Variants in GPRASP3 observed in about 807,000 individuals in gnomAD.
GPRASP3 encodes G protein-coupled receptor associated sorting protein 3.
chrX:102,750,028 C>T, the GPRASP3 span: 3 of 1,199,815 alleles, frequency 2.5e-6, no homozygotes, highest in South Asian at 1.8e-5. Context: ...TAAAATAGCA[C>T]GGATTGCAAT....
chrX:102,751,723 G>T, the GPRASP3 span: 3 of 123,276 alleles, frequency 2.4e-5, no homozygotes, highest in Non-Finnish European at 5.6e-5. Context: ...AAATTCTGAG[G>T]TAAATAGATG....
the GPRASP3 span, among the ~76,000 whole-genome samples, chrX:102,738,220 A>G: frequency 1.8e-5 from 2 of 112,320 alleles, no homozygotes; most frequent in East Asian, 5.6e-4. Context: ...CCCATCTGCC[A>G]TTTGCGAAGA....
chrX:102,731,582 A>G, the GPRASP3 span, among the ~76,000 whole-genome samples: 1 of 109,832 alleles, frequency 9.1e-6, no homozygotes, highest in Non-Finnish European at 1.9e-5. Context: ...GTGAGCTGAG[A>G]TCACGCCACT....
chrX:102,750,696 T>C, the GPRASP3 span: 1 of 973,294 alleles, frequency 1.0e-6, no homozygotes, highest in South Asian at 2.6e-5. Flanking sequence ...GGCTGTACAT[T>C]ACAGTGTACA....
chrX:102,751,792 A>G, the GPRASP3 span: 1 of 122,940 alleles, frequency 8.1e-6, no homozygotes, highest in Non-Finnish European at 1.9e-5. Flanking sequence ...AATGAGTAAG[A>G]TGTAGATTTG....
the GPRASP3 span, among the ~76,000 whole-genome samples, chrX:102,746,914 G>C: frequency 2.0e-3 from 227 of 112,516 alleles, no homozygotes; most frequent in Non-Finnish European, 3.5e-3. Context: ...TAAATAACAG[G>C]GTAGTATTTT....
At chrX:102,738,776 A>C in the GPRASP3 span, among the ~76,000 whole-genome samples, 5 of 111,737 alleles carry the variant, frequency 4.5e-5, no homozygotes, top group African/African-American at 1.6e-4. Flanking sequence ...TGAAAATTTG[A>C]GATAGGCCTC....
At chrX:102,750,693 C>T in the GPRASP3 span, 1 of 1,006,271 alleles carries the variant, frequency 9.9e-7, no homozygotes, top group Non-Finnish European at 1.3e-6. Flanking sequence ...GCAGGCTGTA[C>T]ATTACAGTGT....
the GPRASP3 span, among the ~76,000 whole-genome samples, chrX:102,731,346 G>A: frequency 3.6e-5 from 4 of 112,427 alleles, no homozygotes; most frequent in Non-Finnish European, 5.6e-5. Context: ...TTCAGGGGCC[G>A]GGCCCAGTGG....
the GPRASP3 span, chrX:102,750,777 G>T: frequency 4.6e-6 from 2 of 431,923 alleles, no homozygotes; most frequent in South Asian, 1.2e-4. Flanking sequence ...CTATTTTGGG[G>T]GTATCAAATG....
At chrX:102,743,144 G>C in the GPRASP3 span, among the ~76,000 whole-genome samples, 1 of 110,082 alleles carries the variant, frequency 9.1e-6, no homozygotes, top group Non-Finnish European at 1.9e-5. Flanking sequence ...TGTCCACAGG[G>C]AATTTCCTTG....
chrX:102,750,718 G>T, the GPRASP3 span: 2 of 831,016 alleles, frequency 2.4e-6, no homozygotes, highest in African/African-American at 4.1e-5. Flanking sequence ...ATTATACACT[G>T]CATCTTTAAC....
the GPRASP3 span, chrX:102,749,555 A>C: frequency 8.3e-7 from 1 of 1,211,319 alleles, no homozygotes; most frequent in South Asian, 1.8e-5. Context: ...ACTAGTTTTG[A>C]CCCTAATCCT....
the GPRASP3 span, among the ~76,000 whole-genome samples, chrX:102,723,271 C>T: frequency 8.0e-5 from 9 of 111,850 alleles, no homozygotes; most frequent in Non-Finnish European, 7.5e-5. Context: ...AATCCCACTC[C>T]TATCCTTATG....
the GPRASP3 span, chrX:102,750,104 T>C: frequency 2.5e-6 from 3 of 1,211,094 alleles, no homozygotes; most frequent in Non-Finnish European, 3.4e-6. Context: ...GTGACACTTA[T>C]TGAAAGCTTG....
At chrX:102,743,120 CTCTG>C in the GPRASP3 span, among the ~76,000 whole-genome samples, 2 of 110,471 alleles carry the variant, frequency 1.8e-5, no homozygotes, top group Non-Finnish European at 3.8e-5. Flanking sequence ...TGACTTTGAG[CTCTG>C]TCTGTCCTTT....
At chrX:102,741,065 T>C in the GPRASP3 span, among the ~76,000 whole-genome samples, 1 of 111,304 alleles carries the variant, frequency 9.0e-6, no homozygotes, top group Non-Finnish European at 1.9e-5. Flanking sequence ...CGAGTTACCA[T>C]TGGTGAATCT....
At chrX:102,725,035 C>G in the GPRASP3 span, among the ~76,000 whole-genome samples, 1 of 111,271 alleles carries the variant, frequency 9.0e-6, no homozygotes, top group Non-Finnish European at 1.9e-5. Flanking sequence ...ACTCTGCCCC[C>G]AATTTCAAAA....
chrX:102,750,723 T>A, the GPRASP3 span: 1 of 781,213 alleles, frequency 1.3e-6, no homozygotes, highest in African/African-American at 2.1e-5. Context: ...ACACTGCATC[T>A]TTAACACAGA....
Sources: gnomAD v4.1 joint callset for allele counts (sites outside exome capture counted in the v4.1 genomes callset) on GRCh38, gnomAD v4.1.1 for gene constraint, MANE v1.5 for transcripts, NCBI Gene and HGNC (gene_info 2026-07-23, HGNC 2026-07-21) for gene names.